The following MCFD2 variants were observed in gnomAD, a reference collection of about 807,000 sequenced individuals.
MCFD2 encodes multiple coagulation factor deficiency protein 2.
A neutral mutation model predicts 12.8 loss-of-function variants in MCFD2; 11 were observed. The observed-to-expected ratio is 0.86, with a 90% confidence interval of 0.54 to 1.42. The LOEUF (loss-of-function observed/expected upper bound fraction) is 1.42, where lower values mean the gene tolerates loss of function less well. Ranked by LOEUF, MCFD2 falls within the 40% of genes most tolerant of loss-of-function variation. MCFD2 has a pLI of 0.00. For missense variants in MCFD2, 191 were observed against 178.6 expected (o/e 1.07, Z -0.40); for synonymous variants, 70 against 68.1 (o/e 1.03, Z -0.14).
intron 1 of MCFD2, among the ~76,000 whole-genome samples, chr2:46,938,315 T>C (rs973164116): frequency 6.6e-6 from 1 of 152,218 alleles, no homozygotes; most frequent in Non-Finnish European, 1.5e-5. Context: ...AATATCAATC[T>C]TAAACTTGAT....
At chr2:46,926,276 A>C (rs1168435859) in intron 1 of MCFD2, among the ~76,000 whole-genome samples, 1 of 152,228 alleles carries the variant, frequency 6.6e-6, no homozygotes, top group Non-Finnish European at 1.5e-5. Context: ...TTAGTTCCAC[A>C]CACTGAGTAT....
Position 46,904,218 on chromosome 2 carries a change from C to T in MCFD2, c.*1245G>A, listed in dbSNP as rs957733560. 1.5e-5 allele frequency: 2 copies of T among 132,226 alleles called. No homozygotes were observed. Among genetic ancestry groups the T allele is most frequent in the African/African-American group, 6.9e-5 (2 of 28,958 alleles). The allele number at this position is 132,226 out of a possible 1,614,324, so 8.2% of individuals were successfully genotyped here. On this transcript the variant is annotated 3_prime_UTR_variant, in exon 4 of 4. Coordinates refer to ENST00000319466, the MANE Select transcript of MCFD2 (RefSeq NM_139279.6). Reference sequence around the variant, plus strand: ...AAACGTTTGCTGCAGGGGAGAGGCCCTCTCAGCGGCAGGGGAGAGAACCTC... The same window carrying T: ...AAACGTTTGCTGCAGGGGAGAGGCCTTCTCAGCGGCAGGGGAGAGAACCTC...
At chr2:46,932,012 A>G (rs1384846093) in intron 1 of MCFD2, among the ~76,000 whole-genome samples, 2 of 152,206 alleles carry the variant, frequency 1.3e-5, no homozygotes. Flanking sequence ...TCATATGACA[A>G]TCTCAGTAAG....
intron 1 of MCFD2, among the ~76,000 whole-genome samples, chr2:46,933,942 G>A (rs1278084666): frequency 2.0e-5 from 3 of 152,174 alleles, no homozygotes; most frequent in African/African-American, 7.2e-5. Context: ...GTGGAAGGTG[G>A]GGAGGGCATC....
At chr2:46,921,205 A>G (rs1669085445) in intron 1 of MCFD2, among the ~76,000 whole-genome samples, 1 of 152,244 alleles carries the variant, frequency 6.6e-6, no homozygotes, top group South Asian at 2.1e-4. Flanking sequence ...AAAGGCATGC[A>G]GACTGGGAAG....
rs1210433360 is a variant in MCFD2 at position 46,902,578 on chromosome 2, C to A, written c.*2885G>T. On this transcript the variant is annotated 3_prime_UTR_variant, in exon 4 of 4. Transcript: ENST00000319466. ...GATGTGGCAGTAGTTGTATAAAATA[C>A]TGAAAATCTGAAAGAGTCATCACTT... 1 of 152,632 alleles carries A rather than the reference C, an allele frequency of 6.6e-6. No homozygotes were observed. Among genetic ancestry groups the A allele is most frequent in the Non-Finnish European group, 1.5e-5 (1 of 68,038 alleles). 9.5% of individuals were successfully genotyped at this position (152,632 alleles called of 1,614,324 possible).
chr2:46,936,887 C>T (rs1291997644), intron 1 of MCFD2, among the ~76,000 whole-genome samples: 3 of 147,854 alleles, frequency 2.0e-5, no homozygotes, highest in African/African-American at 7.5e-5. Context: ...GAGATAGGCT[C>T]TCTGTCACCC....
chr2:46,931,738 CCT>C (rs1463326897), intron 1 of MCFD2, among the ~76,000 whole-genome samples: 1 of 139,408 alleles, frequency 7.2e-6, no homozygotes, highest in Admixed American at 7.0e-5. Flanking sequence ...TTGATAAATC[CCT>C]GTCAAATCAT....
Position 46,908,310 on chromosome 2 carries a change from G to A in MCFD2, c.150-341C>T. On this transcript the variant is annotated intron_variant, in intron 2 of 3. Coordinates refer to ENST00000319466, the MANE Select transcript of MCFD2 (RefSeq NM_139279.6). This position sits in a 1 kb window ranked among gnomAD's most constrained non-coding sequence, Gnocchi z 4.5. ...GGGTCTCACTCTGCCACCCAGGCTG[G>A]AGTGCAGGAGCGTGATCTTGGCTCA... The A allele has an allele frequency of 2.8e-6, 1 of 353,640 alleles. No homozygotes were observed. Among genetic ancestry groups the A allele is most frequent in the Non-Finnish European group, 5.4e-6 (1 of 184,396 alleles). 21.9% of individuals were successfully genotyped at this position (353,640 alleles called of 1,614,324 possible). A position where few individuals can be genotyped will look rare whatever the true frequency, so the allele number is the denominator to read the frequency against.
chr2:46,929,135 C>G (rs539422912), intron 1 of MCFD2, among the ~76,000 whole-genome samples: 1 of 152,128 alleles, frequency 6.6e-6, no homozygotes, highest in Admixed American at 6.5e-5. Context: ...TGCACCCCAG[C>G]CTGGGGCAAT....
intron 1 of MCFD2, among the ~76,000 whole-genome samples, chr2:46,927,333 TAAAG>T (rs1669438687): frequency 6.7e-6 from 1 of 150,052 alleles, no homozygotes; most frequent in African/African-American, 2.5e-5. Context: ...AAAATAATAT[TAAAG>T]ATAGAGGAGA....
chr2:46,906,475 A>ATTT lies in MCFD2; in HGVS notation c.310-884_310-882dup, dbSNP rs70940646. ...TGACATTAAATGTGGAGGCACGAGG[A>ATTT]TTTTTTTTTTTTTTTTTTTTTTTTT... On this transcript the variant is annotated intron_variant, in intron 3 of 3. Transcript: ENST00000319466. 3.1e-4 allele frequency among the ~76,000 whole-genome samples: 28 copies of ATTT among 91,700 alleles called. 1 individual carries two copies. Among genetic ancestry groups the ATTT allele is most frequent in the African/African-American group, 7.3e-4 (16 of 22,008 alleles). 60.2% of individuals were successfully genotyped at this position (91,700 alleles called of 152,430 possible). A position where few individuals can be genotyped will look rare whatever the true frequency, so the allele number is the denominator to read the frequency against.
Position 46,934,787 on chromosome 2 carries a change from C to CTTTTTTT in MCFD2, c.-8+6778_-8+6784dup, listed in dbSNP as rs1161003607. The stretch of plus-strand genomic sequence containing the variant: ...GGAATAAGGTATGAAGACTACTGCT[C>CTTTTTTT]TTTTTTTTTTTTTTTTTTTTTTTTT... On this transcript the variant is annotated intron_variant, in intron 1 of 2. Transcript: ENST00000409147. Among the ~76,000 whole-genome samples, 35 of 66,916 alleles carry CTTTTTTT rather than the reference C, an allele frequency of 5.2e-4. 1 individual carries two copies. The highest frequency in any genetic ancestry group is 1.6e-3 in the African/African-American group (25 of 15,428). The allele number at this position is 66,916 out of a possible 152,430, so 43.9% of individuals were successfully genotyped here.
upstream of MCFD2, among the ~76,000 whole-genome samples, chr2:46,920,782 G>A (rs1333100598): frequency 6.6e-6 from 1 of 151,810 alleles, no homozygotes; most frequent in African/African-American, 2.4e-5. Flanking sequence ...TGAATTTTAT[G>A]TGGCAAACTT....
Position 46,905,637 on chromosome 2 carries a change from C to T in MCFD2, c.310-43G>A, listed in dbSNP as rs766518944. 3.7e-5 allele frequency: 58 copies of T among 1,585,184 alleles called. No individual in the cohort carries two copies. The East Asian group carries it at 7.8e-4, about 21-fold the overall frequency. ...GACAATGATGAGTTGCGCATTTTACCGGAAGAAGTGCTTAACTAACGTCCA... is the reference window on the plus strand; with the variant it reads ...GACAATGATGAGTTGCGCATTTTACTGGAAGAAGTGCTTAACTAACGTCCA... On this transcript the variant is annotated intron_variant, in intron 3 of 3. Coordinates refer to ENST00000319466, the MANE Select transcript of MCFD2 (RefSeq NM_139279.6).
chr2:46,922,919 C>G (rs1007259341), intron 1 of MCFD2, among the ~76,000 whole-genome samples: 4 of 152,182 alleles, frequency 2.6e-5, no homozygotes, highest in African/African-American at 9.6e-5. Flanking sequence ...AGTCCAAGGC[C>G]CCTAAAACAT....
At chr2:46,933,425 A>T (rs1195940431) in intron 1 of MCFD2, among the ~76,000 whole-genome samples, 2 of 152,266 alleles carry the variant, frequency 1.3e-5, no homozygotes, top group African/African-American at 4.8e-5. Flanking sequence ...AGCACAAAGA[A>T]TTCATGATTC....
chr2:46,915,913 C>A (rs13023820), upstream of MCFD2: 33 of 984,910 alleles, frequency 3.4e-5, no homozygotes, highest in East Asian at 3.2e-3. Flanking sequence ...GCTGTGAGGA[C>A]GGCTCGCGTG....
chr2:46,903,027 C>G lies in MCFD2; in HGVS notation c.*2436G>C, dbSNP rs535350829. ...CTGATATGGTTTGGTTGTGTCCCCCCACAAATCTCAACTTGAATTGTATCT... is the reference window on the plus strand; with the variant it reads ...CTGATATGGTTTGGTTGTGTCCCCCGACAAATCTCAACTTGAATTGTATCT... On this transcript the variant is annotated 3_prime_UTR_variant, in exon 4 of 4. Transcript: ENST00000319466. The G allele has an allele frequency of 6.6e-6, 1 of 152,220 alleles. No homozygotes were observed. The highest frequency in any genetic ancestry group is 2.4e-5 in the African/African-American group (1 of 41,446). The allele number at this position is 152,220 out of a possible 1,614,324, so 9.4% of individuals were successfully genotyped here.
Sources: allele counts gnomAD v4.1 joint callset (sites outside exome capture counted in the v4.1 genomes callset), GRCh38; gene constraint gnomAD v4.1.1; non-coding constraint Gnocchi (gnomAD v3.1); transcripts MANE v1.5; gene names NCBI Gene and HGNC (gene_info 2026-07-23, HGNC 2026-07-21).